Variants in PDZD2 observed in about 807,000 individuals in gnomAD.
The protein encoded by PDZD2 is PDZ domain-containing protein 2.
Under a neutral mutation model 220.7 loss-of-function variants are expected in PDZD2, and 90 were observed. That is an observed-to-expected ratio of 0.41 (90% CI 0.34 to 0.49). The LOEUF (loss-of-function observed/expected upper bound fraction) is 0.49. PDZD2 is among the 20% of genes least tolerant of loss of function. The pLI is 0.28. For synonymous variants in PDZD2, 1,375 were observed against 1,450.5 expected, an observed-to-expected ratio of 0.95 and a Z score of 1.18; for missense variants, 3,174 against 3,608.5, an observed-to-expected ratio of 0.88 and a Z score of 3.08.
intron 2 of PDZD2, among the ~76,000 whole-genome samples, chr5:31,867,229 C>T (rs947904271): frequency 2.0e-5 from 3 of 152,152 alleles, no homozygotes; most frequent in Non-Finnish European, 4.4e-5. Context: ...CATAAAAAAA[C>T]CTAATGGGAT....
chr5:32,099,152 A>C (rs1228120099), intron 23 of PDZD2: 1 of 154,090 alleles, frequency 6.5e-6, no homozygotes, highest in Non-Finnish European at 1.4e-5. Flanking sequence ...AGGTTTAGAA[A>C]CAGATTTTCT....
chr5:31,833,798 C>T lies in PDZD2; in HGVS notation c.476+34074C>T, dbSNP rs141373807. On this transcript the variant is annotated intron_variant, in intron 2 of 24. Transcript: ENST00000438447. ...GAAGGCTGAGACAATCTGGTGACAACCTCAACTGGGACCTTGAGAGCAGCA... is the reference window on the plus strand; with the variant it reads ...GAAGGCTGAGACAATCTGGTGACAATCTCAACTGGGACCTTGAGAGCAGCA... Among the ~76,000 whole-genome samples, 558 of 152,318 alleles carry T rather than the reference C, an allele frequency of 3.7e-3. 5 individuals are homozygous for T. The highest frequency in any genetic ancestry group is 5.8e-3 in the Non-Finnish European group (397 of 68,036).
intron 1 of PDZD2, among the ~76,000 whole-genome samples, chr5:31,776,960 T>G (rs1202247055): frequency 6.6e-6 from 1 of 152,068 alleles, no homozygotes; most frequent in Non-Finnish European, 1.5e-5. Context: ...CGGCCCTCAC[T>G]CACTCTCAGC....
chr5:32,022,608 G>A (rs1330736585), intron 6 of PDZD2, among the ~76,000 whole-genome samples: 12 of 152,126 alleles, frequency 7.9e-5, no homozygotes, highest in Non-Finnish European at 5.9e-5. Flanking sequence ...CTGGGGATCA[G>A]TAGGGGTTCA....
intron 5 of PDZD2, among the ~76,000 whole-genome samples, chr5:32,004,539 C>T (rs1192355772): frequency 1.3e-5 from 2 of 152,194 alleles, no homozygotes; most frequent in Non-Finnish European, 2.9e-5. Context: ...TGCAGTGAGC[C>T]GTGGCCATGC....
intron 2 of PDZD2, among the ~76,000 whole-genome samples, chr5:31,890,376 T>C (rs963409016): frequency 6.6e-6 from 1 of 152,080 alleles, no homozygotes; most frequent in African/African-American, 2.4e-5. Flanking sequence ...TGTGGTGGCT[T>C]TTTAATACTT....
chr5:32,068,905 G>A (rs1740475524), intron 14 of PDZD2, among the ~76,000 whole-genome samples: 1 of 152,132 alleles, frequency 6.6e-6, no homozygotes, highest in South Asian at 2.1e-4. Flanking sequence ...TTAAAAATTA[G>A]TGATTCTAGG....
chr5:31,649,242 C>G (rs1417776952), intron 1 of PDZD2, among the ~76,000 whole-genome samples: 1 of 151,996 alleles, frequency 6.6e-6, no homozygotes, highest in Non-Finnish European at 1.5e-5. Context: ...TTTCTCGTTG[C>G]CATTTCAGTG....
At chr5:31,743,726 G>A (rs1750406582) in intron 1 of PDZD2, among the ~76,000 whole-genome samples, 1 of 151,970 alleles carries the variant, frequency 6.6e-6, no homozygotes, top group Non-Finnish European at 1.5e-5. Flanking sequence ...TCTATCCCCA[G>A]CAACCACTGA....
rs1754229032 is a variant in PDZD2 at position 31,799,123 on chromosome 5, GC to G, written c.-124del. ...CGAGTAGGTGTCCCTAGGCTCATCTGCCAGCCTGAACATGAACACAGGCAAA... is the reference window on the plus strand; with the variant it reads ...CGAGTAGGTGTCCCTAGGCTCATCTGCAGCCTGAACATGAACACAGGCAAA... On this transcript the variant is annotated 5_prime_UTR_variant, in exon 2 of 25. Transcript: ENST00000438447. 1 of 640,316 alleles carries G rather than the reference GC, an allele frequency of 1.6e-6. No homozygotes were observed. The highest frequency in any genetic ancestry group is 1.8e-5 in the African/African-American group (1 of 54,662). The allele number at this position is 640,316 out of a possible 1,614,324, so 39.7% of individuals were successfully genotyped here. A position where few individuals can be genotyped will look rare whatever the true frequency, so the allele number is the denominator to read the frequency against.
At chr5:31,720,179 G>A (rs557009275) in intron 1 of PDZD2, among the ~76,000 whole-genome samples, 1 of 152,242 alleles carries the variant, frequency 6.6e-6, no homozygotes, top group South Asian at 2.1e-4. Flanking sequence ...TCTTCTAATT[G>A]GCAGAGCCCA....
At position 32,087,589 on chromosome 5, in the gene PDZD2, G is replaced by T; in HGVS notation, c.4141G>T (p.Gly1381Ter). Residue 1381 changes from glycine (G) to a stop codon, truncating the protein, a stop_gained, in exon 20 of 25, where the codon GGA becomes TGA. Coordinates refer to ENST00000438447, the MANE Select transcript of PDZD2 (RefSeq NM_178140.4). LOFTEE classifies it high-confidence loss of function. The surrounding 1 kb of genome is among the most constrained non-coding windows in gnomAD (Gnocchi z 4.0). ...CTCCCAGGAGCCTTCCCTGCTGGAG[G>T]GAGCAGATTCTGTGTCCTCAAGGGC... ...ESSQEPSLLE[G>*]ADSVSSRAPQ... 1 of 1,614,080 alleles carries T rather than the reference G, an allele frequency of 6.2e-7. No homozygotes were observed.
chr5:31,782,765 G>A (rs1487627941), intron 1 of PDZD2, among the ~76,000 whole-genome samples: 4 of 143,318 alleles, frequency 2.8e-5, no homozygotes, highest in Non-Finnish European at 6.0e-5. Context: ...CCAGGCTGGA[G>A]TGAAGTGGCA....
At chr5:32,010,100 G>GAAAAA (rs1753172131) in intron 5 of PDZD2, among the ~76,000 whole-genome samples, 1 of 108,934 alleles carries the variant, frequency 9.2e-6, no homozygotes, top group Admixed American at 9.8e-5. Flanking sequence ...AAAGAAAAAA[G>GAAAAA]AAAAAAAAGA....
chr5:31,951,405 G>A (rs1031860491), intron 2 of PDZD2, among the ~76,000 whole-genome samples: 6 of 152,072 alleles, frequency 3.9e-5, no homozygotes, highest in African/African-American at 1.2e-4. Flanking sequence ...TCTCATTCAC[G>A]AGGTTCTCTA....
chr5:31,969,404 G>T lies in PDZD2; in HGVS notation c.477-13751G>T, dbSNP rs555664233. Among the ~76,000 whole-genome samples the T allele has an allele frequency of 1.2e-3, 179 of 151,242 alleles. 2 individuals are homozygous for T. Among genetic ancestry groups the T allele is most frequent in the African/African-American group, 4.3e-3 (178 of 41,212 alleles). Reference sequence around the variant, plus strand: ...CACACCTGTAGTCCCAGCTACTCAGGAGGCTGAGGTGGGGGAATGGCTTGA... The same window carrying T: ...CACACCTGTAGTCCCAGCTACTCAGTAGGCTGAGGTGGGGGAATGGCTTGA... On this transcript the variant is annotated intron_variant, in intron 2 of 24. Transcript: ENST00000438447.
intron 1 of PDZD2, among the ~76,000 whole-genome samples, chr5:31,721,010 C>A (rs993120962): frequency 3.3e-5 from 5 of 152,070 alleles, no homozygotes; most frequent in East Asian, 1.9e-4. Context: ...GAGGCAGAGA[C>A]AACAAGGCAG....
At chr5:31,998,085 T>C (rs10461906) in intron 4 of PDZD2, among the ~76,000 whole-genome samples, 40,039 of 151,992 alleles carry the variant, frequency 0.26, 5,456 homozygotes, top group East Asian at 0.33. Context: ...TCGTGATCCA[T>C]CCATCTCAGC....
At chr5:31,892,497 C>A (rs1306730462) in intron 2 of PDZD2, among the ~76,000 whole-genome samples, 1 of 152,174 alleles carries the variant, frequency 6.6e-6, no homozygotes, top group African/African-American at 2.4e-5. Flanking sequence ...AACAACAGGG[C>A]AGGTTGGGCA....
Sources: allele counts gnomAD v4.1 joint callset (sites outside exome capture counted in the v4.1 genomes callset), GRCh38; gene constraint gnomAD v4.1.1; non-coding constraint Gnocchi (gnomAD v3.1); transcripts MANE v1.5; gene names NCBI Gene and HGNC (gene_info 2026-07-23, HGNC 2026-07-21).